The following ENTPD7 variants were observed in gnomAD, a reference collection of about 807,000 sequenced individuals.
ENTPD7 encodes the protein NTPDase 7.
A neutral mutation model predicts 77.9 loss-of-function variants in ENTPD7; 53 were observed. The observed-to-expected ratio is 0.68, with a 90% CI of 0.55 to 0.85. The LOEUF is 0.85. Ranked by LOEUF, ENTPD7 falls within the 40% of genes least tolerant of loss-of-function variation. The pLI, the probability that ENTPD7 is intolerant of heterozygous loss-of-function variation, is 0.00. For synonymous variants in ENTPD7, 248 were observed against 274.9 expected (o/e 0.90, Z 0.97); for missense variants, 636 against 743.7 (o/e 0.86, Z 1.68).
chr10:99,670,921 G>A, intron 3 of ENTPD7, among the ~76,000 whole-genome samples: 1 of 152,114 alleles, frequency 6.6e-6, no homozygotes, highest in Admixed American at 6.5e-5. Context: ...GGGTGGCGGA[G>A]GCGGGAGGAT....
intron 10 of ENTPD7, 24 bp from the exon 11 acceptor site, chr10:99,700,949 A>G: frequency 6.2e-7 from 1 of 1,600,952 alleles, no homozygotes; most frequent in Non-Finnish European, 8.6e-7. Flanking sequence ...TTCATGTTGC[A>G]CTATTTCTCT....
chr10:99,662,557 CT>C (rs1348945691), intron 3 of ENTPD7, among the ~76,000 whole-genome samples: 1 of 151,962 alleles, frequency 6.6e-6, no homozygotes, highest in East Asian at 1.9e-4. Flanking sequence ...AGTCAATTGT[CT>C]TTTGAAGAGA....
chr10:99,661,510 C>T lies in ENTPD7; in HGVS notation c.73C>T (p.Leu25Phe), dbSNP rs2035486626. ...CACTGTGCCCACAGTGAGTCCATTT[C>T]TCCGTCAGCGGGTGGCATTCCTGGG... Reference protein sequence around the residue: ...YFTVPTVSPFLRQRVAFLGLF... With the variant: ...YFTVPTVSPFFRQRVAFLGLF... Residue 25 changes from leucine to phenylalanine, a missense_variant, in exon 3 of 13, where the codon CTC becomes TTC. By Grantham distance (22) the Leu-to-Phe change is conservative. Around this residue, in one of 3 missense-constraint regions of ENTPD7, gnomAD observed 486 missense variants for 556.5 expected, o/e 0.87. Coordinates refer to ENST00000370489, the MANE Select transcript of ENTPD7 (RefSeq NM_020354.5). 4 of 1,614,044 alleles carry T rather than the reference C, an allele frequency of 2.5e-6. No homozygotes were observed. The East Asian group carries it at 8.9e-5, about 36-fold the overall frequency.
At chr10:99,685,130 G>A (rs1177623512) in intron 5 of ENTPD7, among the ~76,000 whole-genome samples, 1 of 152,134 alleles carries the variant, frequency 6.6e-6, no homozygotes, top group African/African-American at 2.4e-5. Context: ...GGTGATCCAT[G>A]CCTGTAATCC....
rs980409498 is a variant in ENTPD7, at chr10:99,705,832, C to G, written c.*1149C>G. ...TATTAAGAGACTGCTGAGTCACAAA[C>G]AGCACTTCCATTAATGAAGCGAGAG... is the stretch of plus-strand genomic sequence containing the variant. On this transcript the variant is annotated 3_prime_UTR_variant, in exon 13 of 13. Coordinates refer to ENST00000370489, the MANE Select transcript of ENTPD7 (RefSeq NM_020354.5). The G allele has an allele frequency of 2.0e-5, 3 of 152,318 alleles. No homozygotes were observed. Among genetic ancestry groups the G allele is most frequent in the African/African-American group, 4.8e-5 (2 of 41,564 alleles). 9.4% of individuals were successfully genotyped at this position (152,318 alleles called of 1,614,324 possible). A position where few individuals can be genotyped will look rare whatever the true frequency, so the allele number is the denominator to read the frequency against.
chr10:99,697,000 A>G (rs1435571731), intron 9 of ENTPD7, among the ~76,000 whole-genome samples: 2 of 152,214 alleles, frequency 1.3e-5, no homozygotes, highest in Admixed American at 1.3e-4. Context: ...CAACACACTT[A>G]CCTACGTATA....
rs1358703365 is a variant in ENTPD7, at chr10:99,662,484, C to A, written c.191+856C>A. ...TCCCTTCCCCTTGGTCTTTCTGCTA[C>A]TGTCATGTATTTTATTTCTACATGT... On this transcript the variant is annotated intron_variant, in intron 3 of 12. Transcript: ENST00000370489. 3.3e-5 allele frequency among the ~76,000 whole-genome samples: 5 copies of A among 152,196 alleles called. No individual in the cohort carries two copies. The East Asian group carries it at 9.6e-4, about 29-fold the overall frequency.
Position 99,685,844 on chromosome 10 carries a change from G to A in ENTPD7, c.601G>A (p.Asp201Asn), listed in dbSNP as rs1332107844. 6.2e-7 allele frequency: 1 copy of A among 1,613,942 alleles called. No individual in the cohort carries two copies. Among genetic ancestry groups the A allele is most frequent in the Admixed American group, 1.7e-5 (1 of 60,010 alleles). Reference sequence around the variant, plus strand: ...AGTGAAAGATTTACCACTGGAGTTTGACTTCCTCTTTTCACAGTCTCAAGC... The same window carrying A: ...AGTGAAAGATTTACCACTGGAGTTTAACTTCCTCTTTTCACAGTCTCAAGC... ...DLVKDLPLEF[D>N]FLFSQSQAEV... Residue 201 changes from aspartate (D) to asparagine (N), a missense_variant, in exon 6 of 13, where the codon GAC (aspartate) becomes AAC (asparagine). Physicochemically the swap from Asp to Asn is conservative, Grantham distance 23. This residue lies in a region of ENTPD7 where 486 missense variants were observed against 556.5 expected (regional missense o/e 0.87). Coordinates refer to ENST00000370489, the MANE Select transcript of ENTPD7 (RefSeq NM_020354.5).
intron 3 of ENTPD7, among the ~76,000 whole-genome samples, chr10:99,674,496 C>A (rs960600763): frequency 3.3e-5 from 5 of 152,066 alleles, no homozygotes; most frequent in Non-Finnish European, 5.9e-5. Flanking sequence ...CTGGTAACTA[C>A]CATTAAATTT....
intron 3 of ENTPD7, among the ~76,000 whole-genome samples, chr10:99,665,887 T>C (rs1345066232): frequency 6.6e-6 from 1 of 152,178 alleles, no homozygotes; most frequent in East Asian, 1.9e-4. Flanking sequence ...TGGATGATTA[T>C]AGTAATCAAC....
chr10:99,683,044 T>C (rs1415063726), intron 5 of ENTPD7, among the ~76,000 whole-genome samples: 1 of 152,216 alleles, frequency 6.6e-6, no homozygotes, highest in Non-Finnish European at 1.5e-5. Flanking sequence ...TTGTCTAAGA[T>C]GTTAGTTGTC....
Position 99,704,705 on chromosome 10 carries a change from G to T in ENTPD7, c.*22G>T. 2 of 1,601,058 alleles carry T rather than the reference G, an allele frequency of 1.2e-6. No homozygotes were observed. Among genetic ancestry groups the T allele is most frequent in the South Asian group, 2.2e-5 (2 of 89,950 alleles). On this transcript the variant is annotated 3_prime_UTR_variant, in exon 13 of 13. Coordinates refer to ENST00000370489, the MANE Select transcript of ENTPD7 (RefSeq NM_020354.5). ...GTGAGGCTGGACCAGGACTAGAGAA[G>T]CTTGAGCACCCCCGAGTTGCTGCTC... is the stretch of plus-strand genomic sequence containing the variant.
intron 9 of ENTPD7, among the ~76,000 whole-genome samples, chr10:99,696,669 T>C (rs1232857247): frequency 6.6e-6 from 1 of 152,222 alleles, no homozygotes; most frequent in African/African-American, 2.4e-5. Flanking sequence ...CCAGATGAAG[T>C]AGTTAGACCT....
intron 5 of ENTPD7, among the ~76,000 whole-genome samples, chr10:99,684,094 C>T (rs1357584353): frequency 3.9e-5 from 6 of 152,142 alleles, no homozygotes; most frequent in Non-Finnish European, 5.9e-5. Flanking sequence ...CTCCCTCTAT[C>T]GCCCAGGCTG....
chr10:99,698,920 C>G (rs2036047087), intron 10 of ENTPD7, 62 bp downstream of exon 10: 4 of 1,474,614 alleles, frequency 2.7e-6, no homozygotes, highest in Non-Finnish European at 3.7e-6. Flanking sequence ...ATGCCTCACT[C>G]TGTGCCAGGT....
rs994061480 is a variant in ENTPD7, at chr10:99,706,526, A to G, written c.*1843A>G. Among the ~76,000 whole-genome samples the G allele has an allele frequency of 6.6e-6, 1 of 150,926 alleles. No homozygotes were observed. The highest frequency in any genetic ancestry group is 2.4e-5 in the African/African-American group (1 of 41,016). On this transcript the variant is annotated 3_prime_UTR_variant, in exon 13 of 13. Transcript: ENST00000370489. ...AATTTTTTATTTTATTTTTTTAGAG[A>G]TGGAGTCTGTGTTGTCCAGGCTGGT...
At position 99,708,823 on chromosome 10, in the gene ENTPD7, G is replaced by A; in HGVS notation, c.*4140G>A. On this transcript the variant is annotated 3_prime_UTR_variant, in exon 13 of 13. Coordinates refer to ENST00000370489, the MANE Select transcript of ENTPD7 (RefSeq NM_020354.5). ...CAAAGTCATAGTGACTGGCCTCCTA[G>A]CCCAACTACTTTGTCAGCTACAATG... The A allele has an allele frequency of 1.0e-6, 1 of 985,328 alleles. No individual in the cohort carries two copies. The highest frequency in any genetic ancestry group is 1.2e-6 in the Non-Finnish European group (1 of 829,892). 61.0% of individuals were successfully genotyped at this position (985,328 alleles called of 1,614,324 possible).
chr10:99,678,285 G>A (rs1210848053), intron 3 of ENTPD7, among the ~76,000 whole-genome samples: 2 of 151,406 alleles, frequency 1.3e-5, no homozygotes, highest in African/African-American at 4.8e-5. Context: ...TGGCTAACAC[G>A]GTGAAACCCC....
At chr10:99,682,680 C>T (rs1206610654) in intron 5 of ENTPD7, among the ~76,000 whole-genome samples, 1 of 152,122 alleles carries the variant, frequency 6.6e-6, no homozygotes, top group Non-Finnish European at 1.5e-5. Flanking sequence ...CACAAAGTTG[C>T]AATCATACTG....
Sources: allele counts gnomAD v4.1 joint callset (sites outside exome capture counted in the v4.1 genomes callset), GRCh38; gene constraint gnomAD v4.1.1; regional missense constraint gnomAD v4.1.1; transcripts MANE v1.5; gene names NCBI Gene and HGNC (gene_info 2026-07-23, HGNC 2026-07-21).